NKAIN2: variants seen among roughly 807,000 people sequenced by gnomAD.
NKAIN2 encodes the protein sodium/potassium-transporting ATPase subunit beta-1-interacting protein 2.
NKAIN2 carries 14 observed loss-of-function variants against 32.6 expected under a neutral mutation model. The observed-to-expected ratio is 0.43, with a 90% CI of 0.28 to 0.67. The LOEUF is 0.67. Ranked by LOEUF, NKAIN2 falls within the 30% of genes least tolerant of loss-of-function variation. The probability of loss-of-function intolerance (pLI) is 0.17; values close to 1 mark genes in which losing one functional copy is unlikely to be tolerated. For missense variants in NKAIN2, 198 were observed against 258.3 expected (o/e 0.77, Z 1.60); for synonymous variants, 80 against 87.2 (o/e 0.92, Z 0.46).
intron 1 of NKAIN2, among the ~76,000 whole-genome samples, chr6:124,240,178 T>C (rs1300212367): frequency 6.6e-6 from 1 of 151,898 alleles, no homozygotes; most frequent in Non-Finnish European, 1.5e-5. Context: ...ACATACACCC[T>C]CCCAAGATTA....
intron 3 of NKAIN2, among the ~76,000 whole-genome samples, chr6:124,576,026 C>A (rs1781319848): frequency 6.6e-6 from 1 of 152,128 alleles, no homozygotes; most frequent in Non-Finnish European, 1.5e-5. Flanking sequence ...AAATTGTGTT[C>A]TTTACCAACA....
intron 2 of NKAIN2, among the ~76,000 whole-genome samples, chr6:124,315,789 A>G (rs1194493982): frequency 6.6e-6 from 1 of 152,152 alleles, no homozygotes; most frequent in Non-Finnish European, 1.5e-5. Context: ...TATTATAGTA[A>G]GAAATGGAAA....
intron 1 of NKAIN2, among the ~76,000 whole-genome samples, chr6:124,027,961 A>G (rs1194359615): frequency 6.6e-6 from 1 of 152,180 alleles, no homozygotes; most frequent in Non-Finnish European, 1.5e-5. Flanking sequence ...TCTCCTTAGC[A>G]TAAAATAAAT....
intron 4 of NKAIN2, among the ~76,000 whole-genome samples, chr6:124,772,235 A>C (rs1436535518): frequency 6.6e-6 from 1 of 152,196 alleles, no homozygotes; most frequent in Non-Finnish European, 1.5e-5. Context: ...TTATGGTCTT[A>C]GTTGTAGAAA....
intron 1 of NKAIN2, among the ~76,000 whole-genome samples, chr6:124,210,440 T>C (rs1378679893): frequency 6.6e-6 from 1 of 151,674 alleles, no homozygotes; most frequent in Admixed American, 6.6e-5. Flanking sequence ...TGGTTCCATA[T>C]AATTTTTTTT....
intron 1 of NKAIN2, among the ~76,000 whole-genome samples, chr6:124,043,684 G>A (rs1260475810): frequency 6.6e-6 from 1 of 152,018 alleles, no homozygotes; most frequent in Non-Finnish European, 1.5e-5. Flanking sequence ...TTAGAATCAT[G>A]GCTTTTAAAG....
rs577942707 is a variant in NKAIN2 at position 124,817,022 on chromosome 6, C to G, written c.536-1365C>G. 5.9e-5 allele frequency among the ~76,000 whole-genome samples: 9 copies of G among 152,238 alleles called. No individual in the cohort carries two copies. The South Asian group carries it at 1.9e-3, about 32-fold the overall frequency. On this transcript the variant is annotated intron_variant, in intron 5 of 6. Coordinates refer to ENST00000368417, the MANE Select transcript of NKAIN2 (RefSeq NM_001040214.3). Reference sequence around the variant, plus strand: ...TCATAGGCTCTGTGGGTTAATAACTCAGACAGGCACAGAGGGGATGGCTTG... The same window carrying G: ...TCATAGGCTCTGTGGGTTAATAACTGAGACAGGCACAGAGGGGATGGCTTG...
intron 1 of NKAIN2, among the ~76,000 whole-genome samples, chr6:124,172,458 A>G (rs1788943494): frequency 6.6e-6 from 1 of 152,164 alleles, no homozygotes; most frequent in Non-Finnish European, 1.5e-5. Flanking sequence ...TGTATGTACC[A>G]TCTTGCTCAT....
chr6:124,749,390 G>A (rs568792555), intron 4 of NKAIN2, among the ~76,000 whole-genome samples: 11 of 151,936 alleles, frequency 7.2e-5, no homozygotes, highest in African/African-American at 1.7e-4. Flanking sequence ...TAACAGGTTC[G>A]CAGGTTATAG....
chr6:124,593,723 G>T (rs1781990800), intron 3 of NKAIN2, among the ~76,000 whole-genome samples: 1 of 152,156 alleles, frequency 6.6e-6, no homozygotes, highest in African/African-American at 2.4e-5. Flanking sequence ...GCTGCATTTT[G>T]AAAGCTTTTG....
chr6:124,368,868 T>G (rs897060898), intron 3 of NKAIN2, among the ~76,000 whole-genome samples: 7 of 152,194 alleles, frequency 4.6e-5, no homozygotes, highest in African/African-American at 1.7e-4. Flanking sequence ...CTCAGCAACC[T>G]TTTATTCTCT....
At chr6:124,262,614 C>T (rs2114847941) in intron 1 of NKAIN2, among the ~76,000 whole-genome samples, 1 of 152,142 alleles carries the variant, frequency 6.6e-6, no homozygotes, top group African/African-American at 2.4e-5. Context: ...GAGCTTAAGC[C>T]AAAAGCTAAA....
intron 3 of NKAIN2, among the ~76,000 whole-genome samples, chr6:124,414,925 CCTCT>C (rs1453043453): frequency 3.9e-5 from 6 of 151,948 alleles, no homozygotes; most frequent in East Asian, 1.9e-4. Context: ...TATTATTGAT[CCTCT>C]CTAAGAATCA....
intron 1 of NKAIN2, among the ~76,000 whole-genome samples, chr6:124,170,832 T>A (rs1215908064): frequency 6.6e-6 from 1 of 152,152 alleles, no homozygotes; most frequent in African/African-American, 2.4e-5. Context: ...GATAATCCAG[T>A]CATATCTGTG....
chr6:124,035,081 C>A (rs1363207119), intron 1 of NKAIN2, among the ~76,000 whole-genome samples: 1 of 151,952 alleles, frequency 6.6e-6, no homozygotes, highest in African/African-American at 2.4e-5. Context: ...GCTTCGATTG[C>A]AAATATGTAT....
chr6:124,443,140 T>C (rs1025231500), intron 3 of NKAIN2, among the ~76,000 whole-genome samples: 1 of 152,088 alleles, frequency 6.6e-6, no homozygotes, highest in African/African-American at 2.4e-5. Context: ...TCAGAGACCA[T>C]TAGACCCCTA....
At chr6:124,354,634 C>T (rs189187661) in intron 2 of NKAIN2, among the ~76,000 whole-genome samples, 4 of 152,146 alleles carry the variant, frequency 2.6e-5, no homozygotes, top group Admixed American at 6.5e-5. Context: ...TTGTCCTACA[C>T]GGAGATGGTT....
chr6:123,904,536 G>A (rs1303095341), intron 1 of NKAIN2, among the ~76,000 whole-genome samples: 1 of 152,142 alleles, frequency 6.6e-6, no homozygotes, highest in Non-Finnish European at 1.5e-5. Context: ...GTTCAGCCTT[G>A]CTTTAATGGT....
intron 1 of NKAIN2, among the ~76,000 whole-genome samples, chr6:124,211,818 A>G (rs1791191970): frequency 6.6e-6 from 1 of 152,070 alleles, no homozygotes; most frequent in South Asian, 2.1e-4. Context: ...AAAAGTTAAA[A>G]GTCGAAAATT....
Sources: allele counts gnomAD v4.1 joint callset (sites outside exome capture counted in the v4.1 genomes callset), GRCh38; gene constraint gnomAD v4.1.1; transcripts MANE v1.5; gene names NCBI Gene and HGNC (gene_info 2026-07-23, HGNC 2026-07-21).